CTNNA2: variants seen among roughly 807,000 people sequenced by gnomAD.
CTNNA2 encodes catenin alpha-2.
In CTNNA2, 42 loss-of-function variants were observed where a neutral mutation model predicts 101.0. The observed-to-expected ratio is 0.42, with a 90% confidence interval of 0.32 to 0.54. The LOEUF (loss-of-function observed/expected upper bound fraction) is 0.54, where lower values mean the gene tolerates loss of function less well. Ranked by LOEUF, CTNNA2 falls within the 20% of genes least tolerant of loss-of-function variation. The pLI is 0.14. For missense variants in CTNNA2, 871 were observed against 1,223.1 expected, an observed-to-expected ratio of 0.71 and a Z score of 4.29; for synonymous variants, 450 against 456.4, an observed-to-expected ratio of 0.99 and a Z score of 0.18.
rs531720718 is a variant in CTNNA2, at chr2:80,245,919, C to T, written c.1057-147292C>T. 1.7e-4 allele frequency among the ~76,000 whole-genome samples: 25 copies of T among 149,740 alleles called. No individual in the cohort carries two copies. The South Asian group carries it at 2.3e-3, about 14-fold the overall frequency. On this transcript the variant is annotated intron_variant, in intron 7 of 18. Coordinates refer to ENST00000402739, the MANE Select transcript of CTNNA2 (RefSeq NM_001282597.3). ...ACGCCATTCTCCTGCCTCAGCCTTC[C>T]GAGTAGCTGGGACTACAGGTGCCCA...
intron 4 of CTNNA2, 52 bp from the exon 5 acceptor site, chr2:79,869,764 A>C (rs750502218): frequency 6.3e-7 from 1 of 1,578,752 alleles, no homozygotes; most frequent in Non-Finnish European, 8.6e-7. Flanking sequence ...AACATGTTGA[A>C]TAATATTTAA....
At chr2:80,569,578 T>G (rs965204941) in intron 12 of CTNNA2, among the ~76,000 whole-genome samples, 1 of 151,270 alleles carries the variant, frequency 6.6e-6, no homozygotes, top group African/African-American at 2.4e-5. Context: ...AGCAGCATCA[T>G]ATTTGAGGAA....
intron 2 of CTNNA2, among the ~76,000 whole-genome samples, chr2:79,682,288 G>A (rs1229985984): frequency 6.6e-6 from 1 of 151,462 alleles, no homozygotes; most frequent in Non-Finnish European, 1.5e-5. Flanking sequence ...GCGGGCGCCT[G>A]TAATCCCAGC....
At chr2:80,043,710 G>A (rs896473146) in intron 7 of CTNNA2, among the ~76,000 whole-genome samples, 2 of 152,204 alleles carry the variant, frequency 1.3e-5, no homozygotes, top group Non-Finnish European at 2.9e-5. Flanking sequence ...CATACAGTCT[G>A]TTAATCATAC....
chr2:80,084,868 A>T (rs1010644442), intron 7 of CTNNA2, among the ~76,000 whole-genome samples: 8 of 152,218 alleles, frequency 5.3e-5, no homozygotes, highest in African/African-American at 1.9e-4. Flanking sequence ...AAAAATTGTG[A>T]AGGCTAGTTT....
At chr2:80,543,342 GTGA>G (rs1691746697) in intron 9 of CTNNA2, among the ~76,000 whole-genome samples, 1 of 152,164 alleles carries the variant, frequency 6.6e-6, no homozygotes, top group Non-Finnish European at 1.5e-5. Context: ...TGCAGTATCT[GTGA>G]ATGGTCCTAA....
chr2:79,448,356 A>G (rs1678855556), intron 4 of CTNNA2, among the ~76,000 whole-genome samples: 2 of 152,056 alleles, frequency 1.3e-5, no homozygotes, highest in African/African-American at 4.8e-5. Flanking sequence ...ACCTTCAGAC[A>G]ACTTCAAAAT....
chr2:80,117,341 A>G (rs1481962486), intron 7 of CTNNA2, among the ~76,000 whole-genome samples: 2 of 152,196 alleles, frequency 1.3e-5, no homozygotes, highest in Admixed American at 6.5e-5. Flanking sequence ...TAAATTCCGT[A>G]TGTATGTGGA....
intron 3 of CTNNA2, among the ~76,000 whole-genome samples, chr2:79,812,003 C>G (rs747139801): frequency 6.6e-6 from 1 of 152,020 alleles, no homozygotes; most frequent in Non-Finnish European, 1.5e-5. Context: ...TAAAAAATTT[C>G]GATTTCCAAT....
At chr2:79,307,976 C>T (rs1676284619) in intron 2 of CTNNA2, among the ~76,000 whole-genome samples, 1 of 152,044 alleles carries the variant, frequency 6.6e-6, no homozygotes, top group Non-Finnish European at 1.5e-5. Context: ...TGATGTTGAG[C>T]ATTTTTTTGA....
chr2:79,637,631 A>G (rs1381297085), intron 1 of CTNNA2, among the ~76,000 whole-genome samples: 2 of 152,230 alleles, frequency 1.3e-5, no homozygotes, highest in Non-Finnish European at 2.9e-5. Flanking sequence ...TGAAAGGTCA[A>G]AAATGGCCCC....
intron 3 of CTNNA2, among the ~76,000 whole-genome samples, chr2:79,803,111 C>A (rs1190828561): frequency 6.6e-6 from 1 of 152,136 alleles, no homozygotes; most frequent in Non-Finnish European, 1.5e-5. Context: ...TTGATAACAT[C>A]ATTTTCAGAT....
intron 7 of CTNNA2, among the ~76,000 whole-genome samples, chr2:80,204,787 A>T (rs559004769): frequency 4.0e-5 from 6 of 151,328 alleles, no homozygotes; most frequent in Non-Finnish European, 8.8e-5. Context: ...GTTCATTTTC[A>T]TGCTGCTGAT....
chr2:80,198,035 C>T (rs1663328835), intron 7 of CTNNA2, among the ~76,000 whole-genome samples: 1 of 152,266 alleles, frequency 6.6e-6, no homozygotes, highest in African/African-American at 2.4e-5. Flanking sequence ...TAGCAGGGCT[C>T]ACAATATAAG....
intron 4 of CTNNA2, among the ~76,000 whole-genome samples, chr2:79,480,998 T>A (rs1671104066): frequency 6.6e-6 from 1 of 152,072 alleles, no homozygotes; most frequent in Non-Finnish European, 1.5e-5. Context: ...GGGTTTTTTT[T>A]AAATGGGCCC....
chr2:79,924,521 G>C (rs1391617331), intron 7 of CTNNA2, among the ~76,000 whole-genome samples: 1 of 152,106 alleles, frequency 6.6e-6, no homozygotes, highest in East Asian at 1.9e-4. Context: ...TGATAAATAT[G>C]TGTGTTAAAT....
In CTNNA2 at chr2:79,968,239, T is replaced by A. The variant is rs540435522; in HGVS notation, c.1056+58442T>A. ...AAAAAAAAAACAGAGCTCATTTATATCACACCCTCATCTAGAGTAGCTGAA... is the reference window on the plus strand; with the variant it reads ...AAAAAAAAAACAGAGCTCATTTATAACACACCCTCATCTAGAGTAGCTGAA... On this transcript the variant is annotated intron_variant, in intron 7 of 18. Transcript: ENST00000402739. Among the ~76,000 whole-genome samples, 4 of 152,288 alleles carry A rather than the reference T, an allele frequency of 2.6e-5. No individual in the cohort carries two copies. In the East Asian group the frequency reaches 7.7e-4, roughly 29 times the overall value.
At chr2:79,773,783 T>C (rs551686192) in intron 3 of CTNNA2, among the ~76,000 whole-genome samples, 1 of 152,278 alleles carries the variant, frequency 6.6e-6, no homozygotes. Context: ...TGTTCCTTTC[T>C]GATATGTGCC....
rs5832413 is a variant in CTNNA2 at position 79,854,123 on chromosome 2, A to AT, written c.299-3880dup. On this transcript the variant is annotated intron_variant, in intron 3 of 18. Transcript: ENST00000402739. ...AGCACTGATTTAAAAGCAGAGCACC[A>AT]TTTTTTTTTTATATATATTCTATCT... is the stretch of plus-strand genomic sequence containing the variant. Among the ~76,000 whole-genome samples, 293 of 150,518 alleles carry AT rather than the reference A, an allele frequency of 1.9e-3. 2 individuals carry two copies. The highest frequency in any genetic ancestry group is 5.6e-3 in the African/African-American group (232 of 41,076).
Sources: gnomAD v4.1 joint callset for allele counts (sites outside exome capture counted in the v4.1 genomes callset) on GRCh38, gnomAD v4.1.1 for gene constraint, MANE v1.5 for transcripts, NCBI Gene and HGNC (gene_info 2026-07-23, HGNC 2026-07-21) for gene names.